The following SGSM2 variants were observed in gnomAD, a reference collection of about 807,000 sequenced individuals.
SGSM2 encodes RUN and TBC1 domain containing 1.
A neutral mutation model predicts 126.6 loss-of-function variants in SGSM2; 89 were observed. The observed-to-expected ratio is 0.70, with a 90% CI of 0.59 to 0.84. The LOEUF (loss-of-function observed/expected upper bound fraction) is 0.84. Ranked by LOEUF, SGSM2 falls within the 40% of genes least tolerant of loss-of-function variation. SGSM2 has a pLI of 0.00. For missense variants in SGSM2, 1,404 were observed against 1,416.6 expected, an observed-to-expected ratio of 0.99 and a Z score of 0.14; for synonymous variants, 614 against 574.3, an observed-to-expected ratio of 1.07 and a Z score of -0.99.
At position 2,375,875 on chromosome 17, in the gene SGSM2, T is replaced by G; in HGVS notation, c.2484T>G (p.Thr828=). Residue 828 remains threonine, a splice_region_variant and synonymous_variant, in exon 18 of 24, where the codon ACT becomes ACG. Coordinates refer to ENST00000268989, the MANE Select transcript of SGSM2 (RefSeq NM_014853.3). The stretch of plus-strand genomic sequence containing the variant: ...CGGCTGTGTGTGCGGCTGCCTACAC[T>G]GTGCGTACATGCTCCCCAGGCTGTT... ...ELAAVCAAAY[T]IELLDTVALN... 1 of 1,511,090 alleles carries G rather than the reference T, an allele frequency of 6.6e-7. No homozygotes were observed. Among genetic ancestry groups the G allele is most frequent in the Non-Finnish European group, 8.8e-7 (1 of 1,138,474 alleles). The allele number at this position is 1,511,090 out of a possible 1,614,324, so 93.6% of individuals were successfully genotyped here.
At chr17:2,338,444 G>C (rs778226151) in intron 1 of SGSM2, among the ~76,000 whole-genome samples, 9 of 152,120 alleles carry the variant, frequency 5.9e-5, no homozygotes, top group African/African-American at 7.2e-5. Flanking sequence ...CATTTCGGGT[G>C]GGGGGCAGTG....
chr17:2,373,570 C>T, intron 17 of SGSM2, 57 bp downstream of exon 17: 1 of 1,484,504 alleles, frequency 6.7e-7, no homozygotes. Context: ...GCGTTTTATG[C>T]ACAGTGGTCC....
intron 18 of SGSM2, 39 bp from the exon 19 acceptor site, chr17:2,376,098 C>T: frequency 6.2e-7 from 1 of 1,613,034 alleles, no homozygotes; most frequent in Non-Finnish European, 8.5e-7. Flanking sequence ...CTGGGAAGGG[C>T]TGCCCGGTCT....
chr17:2,379,602 C>G lies in SGSM2; in HGVS notation c.*82C>G. ...AGGGGAGTCACCGCCCAGACCTCCC[C>G]AGCCACCAACCGACCCCACCTCTGT... On this transcript the variant is annotated 3_prime_UTR_variant, in exon 24 of 24. Coordinates refer to ENST00000268989, the MANE Select transcript of SGSM2 (RefSeq NM_014853.3). The G allele has an allele frequency of 6.5e-7, 1 of 1,543,190 alleles. No homozygotes were observed. The highest frequency in any genetic ancestry group is 8.8e-7 in the Non-Finnish European group (1 of 1,138,144).
chr17:2,340,706 T>C (rs1424210154), intron 1 of SGSM2, among the ~76,000 whole-genome samples: 1 of 151,932 alleles, frequency 6.6e-6, no homozygotes, highest in Non-Finnish European at 1.5e-5. Context: ...TGCCTCAGCC[T>C]TCTGAGTAGC....
chr17:2,361,256 G>T (rs939571057), intron 2 of SGSM2, among the ~76,000 whole-genome samples: 4 of 152,206 alleles, frequency 2.6e-5, no homozygotes, highest in Non-Finnish European at 5.9e-5. Context: ...CATCCTCCGT[G>T]CCCTCCAGAA....
chr17:2,368,046 A>G (rs2065678067), intron 12 of SGSM2, among the ~76,000 whole-genome samples: 1 of 152,162 alleles, frequency 6.6e-6, no homozygotes, highest in African/African-American at 2.4e-5. Flanking sequence ...CCCGCCCCAG[A>G]TATGCCCCTG....
chr17:2,367,341 TA>T lies in SGSM2; in HGVS notation c.1362del (p.Lys454AsnfsTer8). Reference sequence around the variant, plus strand: ...TGGACGATGATGAGGAAGAGGAGGATAAACTGCACGCGATGCTCTCAATGAT... The same window carrying T: ...TGGACGATGATGAGGAAGAGGAGGATAACTGCACGCGATGCTCTCAATGAT... ...SVDDDEEEEDKLHAMLSMICS... is the reference protein window; with the variant it reads ...SVDDDEEEEDXLHAMLSMICS... On this transcript the variant is annotated frameshift_variant, in exon 12 of 24. Transcript: ENST00000268989. LOFTEE classifies it high-confidence loss of function. This position sits in a 1 kb window ranked among gnomAD's most constrained non-coding sequence, Gnocchi z 4.0. 1 of 1,614,086 alleles carries T rather than the reference TA, an allele frequency of 6.2e-7. No individual in the cohort carries two copies. Among genetic ancestry groups the T allele is most frequent in the Non-Finnish European group, 8.5e-7 (1 of 1,179,998 alleles).
chr17:2,375,439 G>C (rs986993943), intron 17 of SGSM2, 53 bp from the exon 18 acceptor site: 1 of 1,542,506 alleles, frequency 6.5e-7, no homozygotes, highest in Non-Finnish European at 8.7e-7. Flanking sequence ...GAGGCGGTGG[G>C]CTGCGGGAAG....
At chr17:2,358,342 A>G (rs953395310) in intron 2 of SGSM2, among the ~76,000 whole-genome samples, 2 of 152,106 alleles carry the variant, frequency 1.3e-5, no homozygotes, top group African/African-American at 4.8e-5. Context: ...GGTATTCACT[A>G]GATGCGGGAT....
chr17:2,375,358 C>G, intron 17 of SGSM2, 134 bp from the exon 18 acceptor site: 1 of 1,179,982 alleles, frequency 8.5e-7, no homozygotes, highest in Non-Finnish European at 1.2e-6. Context: ...GCCCCGTGGC[C>G]ACAGTGTTGG....
intron 2 of SGSM2, among the ~76,000 whole-genome samples, chr17:2,359,065 G>A (rs1374354698): frequency 6.6e-6 from 1 of 151,976 alleles, no homozygotes; most frequent in Non-Finnish European, 1.5e-5. Context: ...TTTTAGTAGA[G>A]ATGGGATTTC....
intron 19 of SGSM2, 50 bp from the exon 20 acceptor site, chr17:2,376,683 G>C (rs760521624): frequency 8.2e-6 from 13 of 1,594,684 alleles, no homozygotes; most frequent in Non-Finnish European, 1.1e-5. Context: ...GGGATCCCGA[G>C]GGAGGGAAGA....
intron 17 of SGSM2, chr17:2,373,751 A>G (rs2065997088): frequency 5.8e-6 from 3 of 513,434 alleles, no homozygotes; most frequent in African/African-American, 1.9e-5. Context: ...TTAGCCAACT[A>G]TAGGGAAAGA....
Position 2,363,184 on chromosome 17 carries a change from G to T in SGSM2, c.672+50G>T. 1 of 1,537,036 alleles carries T rather than the reference G, an allele frequency of 6.5e-7. No homozygotes were observed. The highest frequency in any genetic ancestry group is 8.7e-7 in the Non-Finnish European group (1 of 1,145,064). ...GGGCTCATCTGGGCTATGCCCATGG[G>T]CCTGTAGGGACGGGAAACCGGCCTC... On this transcript the variant is annotated intron_variant, in intron 6 of 23. Coordinates refer to ENST00000268989, the MANE Select transcript of SGSM2 (RefSeq NM_014853.3). The surrounding 1 kb of genome is among the most constrained non-coding windows in gnomAD (Gnocchi z 4.2).
chr17:2,344,256 G>A (rs963320973), intron 2 of SGSM2, among the ~76,000 whole-genome samples: 3 of 152,220 alleles, frequency 2.0e-5, no homozygotes, highest in East Asian at 1.9e-4. Context: ...AACCATTTCC[G>A]CCTCCTCAGC....
chr17:2,337,931 G>C lies in SGSM2; in HGVS notation c.57+186G>C, dbSNP rs2064154963. ...GGGGGAGGGCAGCGCCCCTCTGCCCGGGGGACCCGGCCGGCGCTCCCGGCT... is the reference window on the plus strand; with the variant it reads ...GGGGGAGGGCAGCGCCCCTCTGCCCCGGGGACCCGGCCGGCGCTCCCGGCT... On this transcript the variant is annotated intron_variant, in intron 1 of 23. Coordinates refer to ENST00000268989, the MANE Select transcript of SGSM2 (RefSeq NM_014853.3). The surrounding 1 kb of genome is among the most constrained non-coding windows in gnomAD (Gnocchi z 5.1). Among the ~76,000 whole-genome samples, 1 of 151,950 alleles carries C rather than the reference G, an allele frequency of 6.6e-6. No homozygotes were observed.
intron 11 of SGSM2, among the ~76,000 whole-genome samples, chr17:2,365,611 T>C (rs1304098065): frequency 1.3e-5 from 2 of 152,138 alleles, no homozygotes; most frequent in Non-Finnish European, 1.5e-5. Context: ...AGACTCTTAG[T>C]TATCCTTTCA....
At chr17:2,341,772 A>C (rs1362131384) in intron 1 of SGSM2, among the ~76,000 whole-genome samples, 1 of 152,214 alleles carries the variant, frequency 6.6e-6, no homozygotes, top group Non-Finnish European at 1.5e-5. Context: ...TGGGAGTGTA[A>C]AGTGGTATAA....
Sources: gnomAD v4.1 joint callset for allele counts (sites outside exome capture counted in the v4.1 genomes callset) on GRCh38, gnomAD v4.1.1 for gene constraint, Gnocchi (gnomAD v3.1) non-coding constraint, MANE v1.5 for transcripts, NCBI Gene and HGNC (gene_info 2026-07-23, HGNC 2026-07-21) for gene names.